MPZL1: variants seen among roughly 807,000 people sequenced by gnomAD.
MPZL1 encodes the protein myelin protein zero like 1.
MPZL1 carries 16 observed loss-of-function variants against 29.3 expected under a neutral mutation model. The observed-to-expected ratio is 0.55, with a 90% CI of 0.37 to 0.83. The LOEUF (loss-of-function observed/expected upper bound fraction) is 0.83, where lower values mean the gene tolerates loss of function less well. MPZL1 is among the 40% of genes least tolerant of loss of function. The pLI is 0.00. For missense variants in MPZL1, 279 were observed against 332.9 expected, an observed-to-expected ratio of 0.84 and a Z score of 1.26; for synonymous variants, 143 against 132.0, an observed-to-expected ratio of 1.08 and a Z score of -0.57.
At position 167,772,469 on chromosome 1, in the gene MPZL1, G is replaced by T; in HGVS notation, c.453G>T (p.Arg151Ser). 1 of 1,613,500 alleles carries T rather than the reference G, an allele frequency of 6.2e-7. No individual in the cohort carries two copies. The highest frequency in any genetic ancestry group is 8.5e-7 in the Non-Finnish European group (1 of 1,179,734). ...TCGTTGTCCAGCCTGGACACATTAG[G>T]CTCTATGTCGTAGAAAAAGGTACTT... Reference protein sequence around the residue: ...PDIVVQPGHIRLYVVEKENLP... With the variant: ...PDIVVQPGHISLYVVEKENLP... Residue 151 changes from arginine to serine, a missense_variant, in exon 3 of 6, where the codon AGG (arginine) becomes AGT (serine). Physicochemically the swap from Arg to Ser is moderately radical, Grantham distance 110. Coordinates refer to ENST00000359523, the MANE Select transcript of MPZL1 (RefSeq NM_003953.6).
intron 1 of MPZL1, among the ~76,000 whole-genome samples, chr1:167,739,612 A>G (rs1660473627): frequency 1.3e-5 from 2 of 152,132 alleles, no homozygotes; most frequent in African/African-American, 4.8e-5. Flanking sequence ...TCCCATAAAC[A>G]TTAAACATTG....
chr1:167,743,546 G>A (rs1213716663), intron 1 of MPZL1, among the ~76,000 whole-genome samples: 2 of 151,742 alleles, frequency 1.3e-5, no homozygotes, highest in African/African-American at 4.8e-5. Context: ...CATGGGATGT[G>A]TTTCCTTTTG....
intron 5 of MPZL1, among the ~76,000 whole-genome samples, chr1:167,782,831 G>A (rs1325336437): frequency 2.0e-5 from 3 of 152,050 alleles, no homozygotes; most frequent in Non-Finnish European, 4.4e-5. Context: ...TAAAGATGAA[G>A]AACTCATAGC....
chr1:167,783,197 A>C (rs559844153), intron 5 of MPZL1, among the ~76,000 whole-genome samples: 4 of 152,162 alleles, frequency 2.6e-5, no homozygotes, highest in Non-Finnish European at 5.9e-5. Flanking sequence ...AGGGTCATCT[A>C]CCTGAGCAAA....
intron 5 of MPZL1, among the ~76,000 whole-genome samples, chr1:167,778,094 G>A (rs1207521695): frequency 6.6e-6 from 1 of 152,090 alleles, no homozygotes; most frequent in African/African-American, 2.4e-5. Context: ...AGGCCAAGGC[G>A]GGTGGATCAC....
At chr1:167,736,928 A>T (rs1199018118) in intron 1 of MPZL1, among the ~76,000 whole-genome samples, 1 of 151,948 alleles carries the variant, frequency 6.6e-6, no homozygotes, top group Non-Finnish European at 1.5e-5. Flanking sequence ...CTTGTACTTT[A>T]TTGATTTTTT....
intron 1 of MPZL1, among the ~76,000 whole-genome samples, chr1:167,736,987 TATG>T (rs1173344622): frequency 6.6e-6 from 1 of 152,226 alleles, no homozygotes; most frequent in East Asian, 1.9e-4. Flanking sequence ...TGAATTCGTG[TATG>T]ATATTTTCAC....
At chr1:167,778,150 A>C (rs1300283247) in intron 5 of MPZL1, among the ~76,000 whole-genome samples, 1 of 152,118 alleles carries the variant, frequency 6.6e-6, no homozygotes, top group South Asian at 2.1e-4. Flanking sequence ...GTGAAACCCT[A>C]TCTCTACTAA....
chr1:167,763,274 G>C (rs772752276), intron 1 of MPZL1, among the ~76,000 whole-genome samples: 40 of 152,234 alleles, frequency 2.6e-4, no homozygotes, highest in African/African-American at 8.4e-4. Flanking sequence ...CAGCACTTTG[G>C]GGGGGCCGGG....
rs138410708 is a variant in MPZL1, at chr1:167,757,743, T to A, written c.92-7840T>A. ...ACGCTGTTTAAATAAATTGCTTGATTGTACTCTTTTAAGCAGGAGTTTATA... is the reference window on the plus strand; with the variant it reads ...ACGCTGTTTAAATAAATTGCTTGATAGTACTCTTTTAAGCAGGAGTTTATA... On this transcript the variant is annotated intron_variant, in intron 1 of 5. Coordinates refer to ENST00000359523, the MANE Select transcript of MPZL1 (RefSeq NM_003953.6). Among the ~76,000 whole-genome samples, 60 of 152,366 alleles carry A rather than the reference T, an allele frequency of 3.9e-4. No homozygotes were observed. The East Asian group carries it at 8.7e-3, about 22-fold the overall frequency.
chr1:167,760,783 G>GTGTGTGTGTGTGTC lies in MPZL1; in HGVS notation c.92-4789_92-4788insGTCTGTGTGTGTGT, dbSNP rs1553255558. Among the ~76,000 whole-genome samples the GTGTGTGTGTGTGTC allele has an allele frequency of 2.6e-3, 387 of 147,310 alleles. 4 individuals are homozygous for GTGTGTGTGTGTGTC. Among genetic ancestry groups the GTGTGTGTGTGTGTC allele is most frequent in the African/African-American group, 9.4e-3 (375 of 39,782 alleles). On this transcript the variant is annotated intron_variant, in intron 1 of 5. Transcript: ENST00000359523. ...TGTGTGTGTGTGTGTGTGTGTGTGT[G>GTGTGTGTGTGTGTC]TGTGTGTGTGTACAGGTGTCATCAG...
At chr1:167,744,867 A>G (rs1487853865) in intron 1 of MPZL1, among the ~76,000 whole-genome samples, 3 of 152,180 alleles carry the variant, frequency 2.0e-5, no homozygotes, top group Non-Finnish European at 4.4e-5. Flanking sequence ...GTTTACTGTC[A>G]TCAGTTTAAG....
intron 1 of MPZL1, among the ~76,000 whole-genome samples, chr1:167,731,280 G>A (rs1386950019): frequency 1.3e-5 from 2 of 150,898 alleles, no homozygotes; most frequent in Admixed American, 6.6e-5. Context: ...ACTAATAATG[G>A]AAAAAATTAG....
At chr1:167,751,241 A>G (rs1660748975) in intron 1 of MPZL1, among the ~76,000 whole-genome samples, 1 of 152,226 alleles carries the variant, frequency 6.6e-6, no homozygotes, top group African/African-American at 2.4e-5. Context: ...TTATCTTTTT[A>G]TGAAGACAGA....
At position 167,729,503 on chromosome 1, in the gene MPZL1, C is replaced by G. The variant is rs111232595; in HGVS notation, c.91+7261C>G. On this transcript the variant is annotated intron_variant, in intron 1 of 5. Coordinates refer to ENST00000359523, the MANE Select transcript of MPZL1 (RefSeq NM_003953.6). Reference sequence around the variant, plus strand: ...CCAGACAGTGTCTAATAGTTATTCTCTAGTCAAGTCCAGGTTATCATTGCT... The same window carrying G: ...CCAGACAGTGTCTAATAGTTATTCTGTAGTCAAGTCCAGGTTATCATTGCT... Among the ~76,000 whole-genome samples, 779 of 152,274 alleles carry G rather than the reference C, an allele frequency of 5.1e-3. 9 individuals are homozygous for G. Among genetic ancestry groups the G allele is most frequent in the African/African-American group, 0.018 (729 of 41,546 alleles).
At chr1:167,738,678 G>A (rs1558110259) in intron 1 of MPZL1, among the ~76,000 whole-genome samples, 2 of 150,696 alleles carry the variant, frequency 1.3e-5, no homozygotes, top group African/African-American at 5.0e-5. Flanking sequence ...GAGTTATTGC[G>A]AGATCTGGTT....
intron 1 of MPZL1, among the ~76,000 whole-genome samples, chr1:167,735,336 T>C (rs898849888): frequency 5.3e-5 from 8 of 152,222 alleles, no homozygotes; most frequent in Non-Finnish European, 1.0e-4. Context: ...CTTTTACTAC[T>C]GGAAATAGTC....
At chr1:167,744,072 G>A (rs571075529) in intron 1 of MPZL1, among the ~76,000 whole-genome samples, 25 of 152,062 alleles carry the variant, frequency 1.6e-4, no homozygotes, top group African/African-American at 5.5e-4. Context: ...TTACATTGAG[G>A]TATGTAATGG....
chr1:167,778,619 AAATC>A (rs1661422706), intron 5 of MPZL1, among the ~76,000 whole-genome samples: 1 of 152,134 alleles, frequency 6.6e-6, no homozygotes, highest in East Asian at 1.9e-4. Flanking sequence ...AAATCAGGAG[AAATC>A]AATCAGAAAC....
Sources: gnomAD v4.1 joint callset for allele counts (sites outside exome capture counted in the v4.1 genomes callset) on GRCh38, gnomAD v4.1.1 for gene constraint, MANE v1.5 for transcripts, NCBI Gene and HGNC (gene_info 2026-07-23, HGNC 2026-07-21) for gene names.